Variants in BECN2 observed in about 807,000 individuals in gnomAD.
BECN2 encodes beclin 2, also known as beclin-2.
For synonymous variants in BECN2, 173 were observed against 220.1 expected (o/e 0.79, Z 1.90); for missense variants, 428 against 507.9 (o/e 0.84, Z 1.51).
In BECN2 at chr1:241,957,900, C is replaced by A; in HGVS notation, c.134C>A (p.Pro45His). The part of the protein sequence containing the change: ...GQAEPGDTRE[P>H]GVTTREVTDA... ...GCTGAGCCCGGAGACACCCGGGAGC[C>A]CGGCGTCACCACCAGGGAGGTGACA... The change falls in exon 1 of 1, where the codon CCC becomes CAC. Residue 45 changes from proline (P) to histidine (H), a missense_variant. By Grantham distance (77) the Pro-to-His change is moderately conservative (BLOSUM62 -2). Coordinates refer to ENST00000419583, the MANE Select transcript of BECN2 (RefSeq NM_001290693.1). 8 of 1,231,184 alleles carry A rather than the reference C, an allele frequency of 6.5e-6. No homozygotes were observed. The highest frequency in any genetic ancestry group is 8.1e-6 in the Non-Finnish European group (8 of 988,098). The allele number at this position is 1,231,184 out of a possible 1,614,324, so 76.3% of individuals were successfully genotyped here. A position where few individuals can be genotyped will look rare whatever the true frequency, so the allele number is the denominator to read the frequency against.
rs1016566957 is a variant in BECN2, at chr1:241,958,813, C to A, written c.1047C>A (p.Arg349=). 1 of 1,231,852 alleles carries A rather than the reference C, an allele frequency of 8.1e-7. No individual in the cohort carries two copies. The highest frequency in any genetic ancestry group is 1.5e-5 in the African/African-American group (1 of 64,534). The allele number at this position is 1,231,852 out of a possible 1,614,324, so 76.3% of individuals were successfully genotyped here. The change falls in exon 1 of 1, where the codon CGC becomes CGA. Residue 349 remains arginine, a synonymous_variant. Transcript: ENST00000419583. ...TTTTCCTCAATAACAAGTATGACCG[C>A]GCGATGGTGGCCTTCCTGGACTGCA... ...QDVFLNNKYD[R]AMVAFLDCMQ...
At chr1:241,958,063 A>AG in the BECN2 span, 102 of 1,232,062 alleles carry the variant, frequency 8.3e-5, 1 homozygote, top group East Asian at 3.0e-3. Context: ...TCCAGAAGGC[A>AG]GCTGGTGACA....
the BECN2 span, chr1:241,958,722 C>A: frequency 4.9e-6 from 6 of 1,231,746 alleles, no homozygotes; most frequent in Non-Finnish European, 6.1e-6. Context: ...GGAAACCATT[C>A]GTATCTGAAG....
chr1:241,958,743 A>G lies in BECN2; in HGVS notation c.977A>G (p.Asp326Gly), dbSNP rs1221391563. Residue 326 changes from aspartate (D) to glycine (G), a missense_variant, in exon 1 of 1, where the codon GAT becomes GGT. Asp to Gly is a moderately conservative substitution (Grantham distance 94). Coordinates refer to ENST00000419583, the MANE Select transcript of BECN2 (RefSeq NM_001290693.1). The stretch of plus-strand genomic sequence containing the variant: ...CATTCGTATCTGAAGTCTTTAACAG[A>G]TGACCGCACTGAGCTGCCGTTGTTC... The part of the protein sequence containing the change: ...GNHSYLKSLT[D>G]DRTELPLFCY... The G allele has an allele frequency of 2.4e-6, 3 of 1,231,666 alleles. No individual in the cohort carries two copies. In the African/African-American group the frequency reaches 4.7e-5, roughly 19 times the overall value. The allele number at this position is 1,231,666 out of a possible 1,614,324, so 76.3% of individuals were successfully genotyped here. A position where few individuals can be genotyped will look rare whatever the true frequency, so the allele number is the denominator to read the frequency against.
Position 241,958,974 on chromosome 1 carries a change from C to T in BECN2, c.1208C>T (p.Thr403Met), listed in dbSNP as rs1285167488. Reference protein sequence around the residue: ...ECYSIRTHLNTQELWTKALKF... With the variant: ...ECYSIRTHLNMQELWTKALKF... Reference sequence around the variant, plus strand: ...TATTCCATCAGAACCCATCTGAACACGCAGGAGCTGTGGACAAAGGCACTC... The same window carrying T: ...TATTCCATCAGAACCCATCTGAACATGCAGGAGCTGTGGACAAAGGCACTC... Residue 403 changes from threonine to methionine, a missense_variant, in exon 1 of 1, where the codon ACG becomes ATG. Thr to Met is a moderately conservative substitution (Grantham distance 81, BLOSUM62 -1). Coordinates refer to ENST00000419583, the MANE Select transcript of BECN2 (RefSeq NM_001290693.1). 2.4e-5 allele frequency: 30 copies of T among 1,231,644 alleles called. No homozygotes were observed. Among genetic ancestry groups the T allele is most frequent in the East Asian group, 9.5e-5 (3 of 31,714 alleles). The allele number at this position is 1,231,644 out of a possible 1,614,324, so 76.3% of individuals were successfully genotyped here. A position where few individuals can be genotyped will look rare whatever the true frequency, so the allele number is the denominator to read the frequency against.
chr1:241,958,371 C>CG, the BECN2 span: 1 of 1,232,820 alleles, frequency 8.1e-7, no homozygotes. Flanking sequence ...GCAGAGGCTG[C>CG]GGAGCTGGAC....
Position 241,958,772 on chromosome 1 carries a change from T to A in BECN2, c.1006T>A (p.Tyr336Asn). The A allele has an allele frequency of 1.6e-6, 2 of 1,231,722 alleles. No homozygotes were observed. The highest frequency in any genetic ancestry group is 2.0e-6 in the Non-Finnish European group (2 of 988,034). 76.3% of individuals were successfully genotyped at this position (1,231,722 alleles called of 1,614,324 possible). Residue 336 changes from tyrosine (Y) to asparagine (N), a missense_variant, in exon 1 of 1, where the codon TAT (tyrosine) becomes AAT (asparagine). Coordinates refer to ENST00000419583, the MANE Select transcript of BECN2 (RefSeq NM_001290693.1). ...DDRTELPLFC[Y>N]GGQDVFLNNK... is the part of the protein sequence containing the mutation. ...CCGCACTGAGCTGCCGTTGTTCTGT[T>A]ATGGGGGGCAGGATGTTTTCCTCAA...
chr1:241,958,244 G>A lies in BECN2; in HGVS notation c.478G>A (p.Ala160Thr). 1 of 1,234,058 alleles carries A rather than the reference G, an allele frequency of 8.1e-7. No individual in the cohort carries two copies. The highest frequency in any genetic ancestry group is 1.0e-6 in the Non-Finnish European group (1 of 989,684). The allele number at this position is 1,234,058 out of a possible 1,614,324, so 76.4% of individuals were successfully genotyped here. Residue 160 changes from alanine (A) to threonine (T), a missense_variant, in exon 1 of 1, where the codon GCG becomes ACG. Physicochemically the swap from Ala to Thr is moderately conservative, Grantham distance 58. Transcript: ENST00000419583. ...GELATSEDEA[A>T]ALRAELRDLE... ...GCTGGCGACCAGCGAGGACGAGGCG[G>A]CGGCGCTGCGGGCGGAGCTGCGGGA...
In BECN2 at chr1:241,957,978, G is replaced by A. The variant is rs527609990; in HGVS notation, c.212G>A (p.Gly71Asp). ...GASSRSPPGD[G>D]SVSKGHANIF... The stretch of plus-strand genomic sequence containing the variant: ...TCTAGCAGATCCCCTCCAGGCGATG[G>A]CAGTGTGTCCAAGGGCCATGCCAAC... The change falls in exon 1 of 1, where the codon GGC (glycine) becomes GAC (aspartate). Residue 71 changes from glycine (G) to aspartate (D), a missense_variant. Physicochemically the swap from Gly to Asp is moderately conservative, Grantham distance 94 (BLOSUM62 -1). Coordinates refer to ENST00000419583, the MANE Select transcript of BECN2 (RefSeq NM_001290693.1). The A allele has an allele frequency of 3.2e-6, 4 of 1,231,866 alleles. No homozygotes were observed. The highest frequency in any genetic ancestry group is 4.0e-6 in the Non-Finnish European group (4 of 988,064). The allele number at this position is 1,231,866 out of a possible 1,614,324, so 76.3% of individuals were successfully genotyped here.
At chr1:241,958,774 TG>T in the BECN2 span, 2 of 1,231,812 alleles carry the variant, frequency 1.6e-6, no homozygotes, top group Non-Finnish European at 2.0e-6. Flanking sequence ...TGTTCTGTTA[TG>T]GGGGGCAGGA....
In BECN2 at chr1:241,958,082, A is replaced by G. The variant is rs762002404; in HGVS notation, c.316A>G (p.Ile106Val). The change falls in exon 1 of 1, where the codon ATA (isoleucine) becomes GTA (valine). Residue 106 changes from isoleucine to valine, a missense_variant. Physicochemically the swap from Ile to Val is conservative, Grantham distance 29. Transcript: ENST00000419583. ...GAAGGCAGCTGGTGACATTTTTGAC[A>G]TAGTCTCTGGCCAAGCAGTTGTGGA... ...IQKAAGDIFD[I>V]VSGQAVVDHP... 20 of 1,232,010 alleles carry G rather than the reference A, an allele frequency of 1.6e-5. No individual in the cohort carries two copies. The highest frequency in any genetic ancestry group is 1.9e-5 in the Non-Finnish European group (19 of 988,146). 76.3% of individuals were successfully genotyped at this position (1,232,010 alleles called of 1,614,324 possible).
chr1:241,958,417 C>G lies in BECN2; in HGVS notation c.651C>G (p.Ala217=), dbSNP rs1394656314. ...QERQHYRDYS[A]LKRQQLELLD... ...GGCAGCACTACAGGGACTACAGTGC[C>G]TTGAAGCGGCAGCAGCTGGAACTGC... is the stretch of plus-strand genomic sequence containing the variant. The change falls in exon 1 of 1, where the codon GCC becomes GCG. Residue 217 remains alanine (A), a synonymous_variant. Coordinates refer to ENST00000419583, the MANE Select transcript of BECN2 (RefSeq NM_001290693.1). 1 of 1,231,930 alleles carries G rather than the reference C, an allele frequency of 8.1e-7. No homozygotes were observed. Among genetic ancestry groups the G allele is most frequent in the Non-Finnish European group, 1.0e-6 (1 of 988,126 alleles). 76.3% of individuals were successfully genotyped at this position (1,231,930 alleles called of 1,614,324 possible). A position where few individuals can be genotyped will look rare whatever the true frequency, so the allele number is the denominator to read the frequency against.
At position 241,958,591 on chromosome 1, in the gene BECN2, C is replaced by A; in HGVS notation, c.825C>A (p.Leu275=). ...TCAATAACTTCAGGTTGGGCCGCCT[C>A]CCCACTGTCCGTGTGGGCTGGAATG... is the stretch of plus-strand genomic sequence containing the variant. ...GVINNFRLGR[L]PTVRVGWNEI... The change falls in exon 1 of 1, where the codon CTC becomes CTA. Residue 275 remains leucine, a synonymous_variant. Coordinates refer to ENST00000419583, the MANE Select transcript of BECN2 (RefSeq NM_001290693.1). 8.1e-7 allele frequency: 1 copy of A among 1,231,780 alleles called. No individual in the cohort carries two copies. The highest frequency in any genetic ancestry group is 1.0e-6 in the Non-Finnish European group (1 of 988,000). 76.3% of individuals were successfully genotyped at this position (1,231,780 alleles called of 1,614,324 possible).
chr1:241,959,051 T>C lies in BECN2; in HGVS notation c.1285T>C (p.Tyr429His), dbSNP rs1010198913. 32 of 1,231,706 alleles carry C rather than the reference T, an allele frequency of 2.6e-5. No individual in the cohort carries two copies. The highest frequency in any genetic ancestry group is 3.1e-4 in the Middle Eastern group (1 of 3,230). 76.3% of individuals were successfully genotyped at this position (1,231,706 alleles called of 1,614,324 possible). A position where few individuals can be genotyped will look rare whatever the true frequency, so the allele number is the denominator to read the frequency against. Residue 429 changes from tyrosine (Y) to histidine (H), a missense_variant, in exon 1 of 1, where the codon TAT becomes CAT. Physicochemically the swap from Tyr to His is moderately conservative, Grantham distance 83. Transcript: ENST00000419583. ...GAGTCTCATCTGGGTTGCCTCAAGG[T>C]ATCAAAAGTAGCTTTCTTGAGTCTT... ...KWSLIWVASR[Y>H]QK
chr1:241,958,301 G>A lies in BECN2; in HGVS notation c.535G>A (p.Glu179Lys). 8.1e-7 allele frequency: 1 copy of A among 1,233,632 alleles called. No individual in the cohort carries two copies. The highest frequency in any genetic ancestry group is 1.0e-6 in the Non-Finnish European group (1 of 989,434). 76.4% of individuals were successfully genotyped at this position (1,233,632 alleles called of 1,614,324 possible). Residue 179 changes from glutamate (E) to lysine (K), a missense_variant, in exon 1 of 1, where the codon GAG becomes AAG. Coordinates refer to ENST00000419583, the MANE Select transcript of BECN2 (RefSeq NM_001290693.1). The stretch of plus-strand genomic sequence containing the variant: ...GCTGGAGGAGGCCAGGCTGGTGCAG[G>A]AGCTGGAGGATGTGGACAGGAACAA... Reference protein sequence around the residue: ...LELEEARLVQELEDVDRNNAR... With the variant: ...LELEEARLVQKLEDVDRNNAR...
chr1:241,958,091 G>A lies in BECN2; in HGVS notation c.325G>A (p.Gly109Ser). 1 of 1,231,984 alleles carries A rather than the reference G, an allele frequency of 8.1e-7. No individual in the cohort carries two copies. Among genetic ancestry groups the A allele is most frequent in the Non-Finnish European group, 1.0e-6 (1 of 988,138 alleles). 76.3% of individuals were successfully genotyped at this position (1,231,984 alleles called of 1,614,324 possible). A position where few individuals can be genotyped will look rare whatever the true frequency, so the allele number is the denominator to read the frequency against. ...AAGDIFDIVS[G>S]QAVVDHPLCE... is the part of the protein sequence containing the mutation. ...TGGTGACATTTTTGACATAGTCTCT[G>A]GCCAAGCAGTTGTGGACCATCCCCT... Residue 109 changes from glycine (G) to serine (S), a missense_variant, in exon 1 of 1, where the codon GGC (glycine) becomes AGC (serine). Transcript: ENST00000419583.
chr1:241,958,748 C>T lies in BECN2; in HGVS notation c.982C>T (p.Arg328Cys), dbSNP rs1205076848. The change falls in exon 1 of 1, where the codon CGC (arginine) becomes TGC (cysteine). Residue 328 changes from arginine to cysteine, a missense_variant. Physicochemically the swap from Arg to Cys is radical, Grantham distance 180 (BLOSUM62 -3). Transcript: ENST00000419583. ...HSYLKSLTDD[R>C]TELPLFCYGG... Reference sequence around the variant, plus strand: ...GTATCTGAAGTCTTTAACAGATGACCGCACTGAGCTGCCGTTGTTCTGTTA... The same window carrying T: ...GTATCTGAAGTCTTTAACAGATGACTGCACTGAGCTGCCGTTGTTCTGTTA... 2.4e-6 allele frequency: 3 copies of T among 1,231,616 alleles called. No homozygotes were observed. Among genetic ancestry groups the T allele is most frequent in the African/African-American group, 3.1e-5 (2 of 64,410 alleles). The allele number at this position is 1,231,616 out of a possible 1,614,324, so 76.3% of individuals were successfully genotyped here.
In BECN2 at chr1:241,957,952, C is replaced by T. The variant is rs1051221105; in HGVS notation, c.186C>T (p.Ala62=). The T allele has an allele frequency of 1.8e-5, 22 of 1,231,906 alleles. No individual in the cohort carries two copies. The highest frequency in any genetic ancestry group is 8.4e-5 in the Admixed American group (2 of 23,724). 76.3% of individuals were successfully genotyped at this position (1,231,906 alleles called of 1,614,324 possible). A position where few individuals can be genotyped will look rare whatever the true frequency, so the allele number is the denominator to read the frequency against. The change falls in exon 1 of 1, where the codon GCC becomes GCT. Residue 62 remains alanine (A), a synonymous_variant. Transcript: ENST00000419583. ...ACGCTGAGGAGCAACAGGACGGTGC[C>T]TCTAGCAGATCCCCTCCAGGCGATG... is the stretch of plus-strand genomic sequence containing the variant. The part of the protein sequence containing the change: ...VTDAEEQQDG[A]SSRSPPGDGS...
the BECN2 span, chr1:241,958,205 C>CT: frequency 2.4e-6 from 3 of 1,232,418 alleles, no homozygotes; most frequent in African/African-American, 4.7e-5. Context: ...CCAACGCTGC[C>CT]TGGAGACCGG....
Sources: allele counts gnomAD v4.1 joint callset, GRCh38; gene constraint gnomAD v4.1.1; transcripts MANE v1.5; gene names NCBI Gene and HGNC (gene_info 2026-07-23, HGNC 2026-07-21).